The following PAN3 variants were observed in gnomAD, a reference collection of about 807,000 sequenced individuals.
PAN3 encodes PAN2-PAN3 deadenylation complex subunit PAN3.
A neutral mutation model predicts 96.2 loss-of-function variants in PAN3; 19 were observed. That is an observed-to-expected ratio of 0.20 (90% CI 0.14 to 0.29). The LOEUF (loss-of-function observed/expected upper bound fraction) is 0.29, where lower values mean the gene tolerates loss of function less well. Ranked by LOEUF, PAN3 falls within the 10% of genes least tolerant of loss-of-function variation. The probability of loss-of-function intolerance (pLI) is 1.00; values close to 1 mark genes in which losing one functional copy is unlikely to be tolerated. For synonymous variants in PAN3, 433 were observed against 406.6 expected, an observed-to-expected ratio of 1.06 and a Z score of -0.78; for missense variants, 882 against 1,108.1, an observed-to-expected ratio of 0.80 and a Z score of 2.90.
intron 1 of PAN3, among the ~76,000 whole-genome samples, chr13:28,169,692 C>A (rs1024950626): frequency 1.3e-5 from 2 of 152,052 alleles, no homozygotes; most frequent in Admixed American, 1.3e-4. Flanking sequence ...CCTCTTTTCT[C>A]CCTTCCAAAA....
At position 28,292,686 on chromosome 13, in the gene PAN3, T is replaced by G. The variant is rs1336733955; in HGVS notation, c.*164T>G. 1 of 542,892 alleles carries G rather than the reference T, an allele frequency of 1.8e-6. No individual in the cohort carries two copies. Among genetic ancestry groups the G allele is most frequent in the Non-Finnish European group, 2.9e-6 (1 of 343,896 alleles). 33.6% of individuals were successfully genotyped at this position (542,892 alleles called of 1,614,324 possible). On this transcript the variant is annotated 3_prime_UTR_variant, in exon 19 of 19. Coordinates refer to ENST00000380958, the MANE Select transcript of PAN3 (RefSeq NM_175854.8). ...GTACACTGTTACTTGAAAGGAAGAA[T>G]GTTTCACTTACCCAAGAGCTATGGC...
At chr13:28,263,869 C>G (rs1237077085) in intron 9 of PAN3, among the ~76,000 whole-genome samples, 2 of 152,082 alleles carry the variant, frequency 1.3e-5, no homozygotes, top group African/African-American at 4.8e-5. Context: ...TTGTCACGTT[C>G]TCTTTCAAAT....
intron 6 of PAN3, among the ~76,000 whole-genome samples, chr13:28,235,181 A>G (rs962762498): frequency 1.4e-4 from 21 of 151,986 alleles, no homozygotes; most frequent in African/African-American, 4.8e-4. Context: ...CATTCCTCCC[A>G]TTCCTTCCAT....
intron 6 of PAN3, among the ~76,000 whole-genome samples, chr13:28,251,944 A>G (rs991697205): frequency 1.3e-5 from 2 of 152,022 alleles, no homozygotes; most frequent in African/African-American, 4.8e-5. Flanking sequence ...CTGGAGTACA[A>G]TGGTGTGATC....
intron 6 of PAN3, among the ~76,000 whole-genome samples, chr13:28,226,823 T>A (rs1186931501): frequency 1.3e-5 from 2 of 152,240 alleles, no homozygotes; most frequent in African/African-American, 4.8e-5. Context: ...GTATTTGTAT[T>A]TTTAAATTGC....
chr13:28,139,143 A>T (rs915501594), intron 1 of PAN3, 56 bp downstream of exon 1: 16 of 1,256,156 alleles, frequency 1.3e-5, no homozygotes, highest in Non-Finnish European at 1.3e-5. Context: ...CCTGGGCCGG[A>T]TGAGGCCCTG....
Position 28,239,201 on chromosome 13 carries a change from G to GCACA in PAN3, c.1001-17073_1001-17070dup, listed in dbSNP as rs561281678. On this transcript the variant is annotated intron_variant, in intron 6 of 18. Coordinates refer to ENST00000380958, the MANE Select transcript of PAN3 (RefSeq NM_175854.8). ...CACACACACACACGCATGCACACAC[G>GCACA]CACACACACACACACACACACGGAA... 5.5e-3 allele frequency among the ~76,000 whole-genome samples: 557 copies of GCACA among 101,264 alleles called. 7 individuals are homozygous for GCACA. Among genetic ancestry groups the GCACA allele is most frequent in the African/African-American group, 0.019 (518 of 26,720 alleles). The allele number at this position is 101,264 out of a possible 152,430, so 66.4% of individuals were successfully genotyped here.
At chr13:28,159,824 A>G (rs1197072789) in intron 1 of PAN3, among the ~76,000 whole-genome samples, 1 of 152,066 alleles carries the variant, frequency 6.6e-6, no homozygotes. Context: ...TACCGTGCAT[A>G]TTATCTGGGT....
chr13:28,290,376 C>T (rs537780289), intron 18 of PAN3, among the ~76,000 whole-genome samples: 1 of 152,218 alleles, frequency 6.6e-6, no homozygotes, highest in East Asian at 1.9e-4. Context: ...TTGTCAATAA[C>T]CTACATTAAG....
intron 12 of PAN3, among the ~76,000 whole-genome samples, chr13:28,269,855 TTATTA>T (rs1886465305): frequency 6.6e-6 from 1 of 152,198 alleles, no homozygotes; most frequent in Non-Finnish European, 1.5e-5. Context: ...TATTTGCTAT[TTATTA>T]TAAGTACATA....
intron 5 of PAN3, among the ~76,000 whole-genome samples, chr13:28,200,454 C>A (rs1351027642): frequency 1.3e-5 from 2 of 152,186 alleles, no homozygotes; most frequent in Non-Finnish European, 2.9e-5. Context: ...AGAAACTTAA[C>A]AAAACCTTGG....
chr13:28,289,760 T>C (rs1869497798), intron 18 of PAN3, among the ~76,000 whole-genome samples: 1 of 152,004 alleles, frequency 6.6e-6, no homozygotes, highest in Middle Eastern at 3.2e-3. Context: ...CAGGCACCAG[T>C]AGTCCCAGCT....
intron 6 of PAN3, among the ~76,000 whole-genome samples, chr13:28,238,622 T>C (rs1197205878): frequency 6.6e-6 from 1 of 152,180 alleles, no homozygotes; most frequent in Non-Finnish European, 1.5e-5. Context: ...ATTAATAGCA[T>C]TGATACTTTT....
chr13:28,204,935 T>C (rs2138281492), intron 5 of PAN3, among the ~76,000 whole-genome samples: 1 of 152,366 alleles, frequency 6.6e-6, no homozygotes, highest in East Asian at 1.9e-4. Flanking sequence ...TTTGATTTCA[T>C]TGTCTCCTTG....
intron 6 of PAN3, among the ~76,000 whole-genome samples, chr13:28,254,185 A>G (rs1402661818): frequency 6.6e-6 from 1 of 152,206 alleles, no homozygotes; most frequent in African/African-American, 2.4e-5. Flanking sequence ...ATGTTGGCTG[A>G]GAGCACTGAC....
At chr13:28,241,435 T>C (rs550612723) in intron 6 of PAN3, among the ~76,000 whole-genome samples, 94 of 152,284 alleles carry the variant, frequency 6.2e-4, no homozygotes, top group African/African-American at 2.2e-3. Context: ...TGAAATACCT[T>C]CCTTAAACTC....
chr13:28,267,296 T>G lies in PAN3; in HGVS notation c.1691-4T>G. 6.2e-7 allele frequency: 1 copy of G among 1,613,670 alleles called. No homozygotes were observed. The highest frequency in any genetic ancestry group is 8.5e-7 in the Non-Finnish European group (1 of 1,179,686). The stretch of plus-strand genomic sequence containing the variant: ...AGTAATGAGTGTTTGTGTTTTATTT[T>G]AAGCTCTTGTGTTTGCATATGATTT... On this transcript the variant is annotated splice_region_variant and splice_polypyrimidine_tract_variant and intron_variant, in intron 11 of 18. Transcript: ENST00000380958.
At chr13:28,271,900 G>A in intron 13 of PAN3, 81 bp from the exon 14 acceptor site, 2 of 948,970 alleles carry the variant, frequency 2.1e-6, no homozygotes, top group African/African-American at 1.7e-5. Flanking sequence ...TAATATTTTG[G>A]GAAATGTTAC....
chr13:28,206,602 G>A (rs1187856963), intron 5 of PAN3, among the ~76,000 whole-genome samples: 5 of 152,016 alleles, frequency 3.3e-5, no homozygotes, highest in African/African-American at 9.7e-5. Context: ...GATTACAGGC[G>A]TGAGCCACCA....
Sources: gnomAD v4.1 joint callset for allele counts (sites outside exome capture counted in the v4.1 genomes callset) on GRCh38, gnomAD v4.1.1 for gene constraint, MANE v1.5 for transcripts, NCBI Gene and HGNC (gene_info 2026-07-23, HGNC 2026-07-21) for gene names.